HLCS: variants seen among roughly 807,000 people sequenced by gnomAD.
HLCS encodes biotin--protein ligase.
HLCS carries 53 observed loss-of-function variants against 75.0 expected under a neutral mutation model. That is an observed-to-expected ratio of 0.71 (90% CI 0.57 to 0.89). The LOEUF (loss-of-function observed/expected upper bound fraction) is 0.89. Ranked by LOEUF, HLCS falls within the 40% of genes least tolerant of loss-of-function variation. The pLI, the probability that HLCS is intolerant of heterozygous loss-of-function variation, is 0.00. For synonymous variants in HLCS, 431 were observed against 428.6 expected (o/e 1.01, Z -0.07); for missense variants, 966 against 1,074.0 (o/e 0.90, Z 1.41).
At chr21:36,945,251 CA>C (rs2067334834) in intron 2 of HLCS, among the ~76,000 whole-genome samples, 1 of 151,632 alleles carries the variant, frequency 6.6e-6, no homozygotes, top group South Asian at 2.1e-4. Flanking sequence ...AAAACCACAT[CA>C]TATGTTGTAC....
intron 2 of HLCS, among the ~76,000 whole-genome samples, chr21:36,939,320 AGAG>A (rs1303832497): frequency 6.6e-6 from 1 of 152,196 alleles, no homozygotes; most frequent in Non-Finnish European, 1.5e-5. Flanking sequence ...CTTTAAAAAC[AGAG>A]AAGAGGAGAG....
At position 36,793,295 on chromosome 21, in the gene HLCS, C is replaced by CTTTTTTTTTT. The variant is rs761549990; in HGVS notation, c.1893-26020_1893-26011dup. 1.8e-3 allele frequency among the ~76,000 whole-genome samples: 213 copies of CTTTTTTTTTT among 116,204 alleles called. 7 individuals are homozygous for CTTTTTTTTTT. The highest frequency in any genetic ancestry group is 2.8e-3 in the African/African-American group (87 of 31,134). The allele number at this position is 116,204 out of a possible 152,430, so 76.2% of individuals were successfully genotyped here. ...AGAACACGGGACAGCAGGAAGCAGTCTTTTTTTTTTTTTTTTTTGAGATAG... is the reference window on the plus strand; with the variant it reads ...AGAACACGGGACAGCAGGAAGCAGTCTTTTTTTTTTTTTTTTTTTTTTTTTTTTGAGATAG... On this transcript the variant is annotated intron_variant, in intron 6 of 10. Coordinates refer to ENST00000674895, the MANE Select transcript of HLCS (RefSeq NM_001352514.2).
chr21:36,934,936 T>C (rs139212876), intron 4 of HLCS, among the ~76,000 whole-genome samples: 15 of 152,378 alleles, frequency 9.8e-5, no homozygotes, highest in Admixed American at 4.6e-4. Context: ...ATCTGATTTG[T>C]GAAGCTGCAT....
chr21:36,971,583 C>A (rs1442152430), upstream of HLCS, among the ~76,000 whole-genome samples: 6 of 152,106 alleles, frequency 3.9e-5, no homozygotes, highest in African/African-American at 1.4e-4. Context: ...AATCCTACCA[C>A]TCTGGGAGAC....
intron 6 of HLCS, among the ~76,000 whole-genome samples, chr21:36,890,095 G>A (rs997486007): frequency 1.3e-5 from 2 of 152,116 alleles, no homozygotes; most frequent in African/African-American, 4.8e-5. Flanking sequence ...CCTGCCTGCC[G>A]CCTTGTGAAG....
intron 2 of HLCS, chr21:36,947,904 C>T (rs2067480367): frequency 1.0e-6 from 1 of 985,388 alleles, no homozygotes; most frequent in African/African-American, 1.7e-5. Flanking sequence ...TCTTGTTTCT[C>T]CTCTTCCAAA....
chr21:36,929,859 T>C lies in HLCS; in HGVS notation c.1620+392A>G, dbSNP rs147284686. On this transcript the variant is annotated intron_variant, in intron 5 of 10. Coordinates refer to ENST00000674895, the MANE Select transcript of HLCS (RefSeq NM_001352514.2). ...CACAGACGTGAAACCCAGAGCGCTG[T>C]TGCCACAAGATGGCAGACATTAGCA... is the stretch of plus-strand genomic sequence containing the variant. 4.3e-3 allele frequency among the ~76,000 whole-genome samples: 654 copies of C among 152,362 alleles called. 1 individual carries two copies. Among genetic ancestry groups the C allele is most frequent in the African/African-American group, 0.014 (594 of 41,580 alleles).
At chr21:36,823,610 G>T (rs866199283) in intron 6 of HLCS, among the ~76,000 whole-genome samples, 1 of 132,834 alleles carries the variant, frequency 7.5e-6, no homozygotes, top group East Asian at 2.7e-4. Context: ...AAACGTGCAG[G>T]GTGTGTGTGT....
At chr21:36,808,409 A>G (rs1268725246) in intron 6 of HLCS, among the ~76,000 whole-genome samples, 1 of 152,228 alleles carries the variant, frequency 6.6e-6, no homozygotes, top group Non-Finnish European at 1.5e-5. Flanking sequence ...AATTATTTGA[A>G]TATCCATTTC....
chr21:36,845,053 G>A (rs1891644885), intron 6 of HLCS, among the ~76,000 whole-genome samples: 1 of 152,094 alleles, frequency 6.6e-6, no homozygotes, highest in South Asian at 2.1e-4. Context: ...GATTTTTTAT[G>A]CTTTCATTTT....
intron 6 of HLCS, among the ~76,000 whole-genome samples, chr21:36,818,643 G>GC (rs1477857537): frequency 6.6e-6 from 1 of 152,168 alleles, no homozygotes; most frequent in Admixed American, 6.5e-5. Context: ...CCCAGCATTA[G>GC]CCACACAACG....
chr21:36,869,698 C>A (rs944895074), intron 6 of HLCS, among the ~76,000 whole-genome samples: 3 of 152,106 alleles, frequency 2.0e-5, no homozygotes, highest in African/African-American at 7.2e-5. Context: ...AATTATCCAC[C>A]CTAAAATAAA....
intron 6 of HLCS, among the ~76,000 whole-genome samples, chr21:36,861,704 C>G (rs1461859952): frequency 6.6e-6 from 1 of 152,222 alleles, no homozygotes; most frequent in African/African-American, 2.4e-5. Context: ...GTACCTCCCT[C>G]TTACATCACT....
In HLCS at chr21:36,756,601, C is replaced by T. The variant is rs1568960864; in HGVS notation, c.2391G>A (p.Glu797=). ...CGCTGTTGGGCCCTTTGTCCTGAAA[C>T]TCTTTGATCAGTTTCTCCAGCACAG... The part of the protein sequence containing the change: ...VVTVLEKLIK[E]FQDKGPNSVL... Residue 797 remains glutamate (E), a synonymous_variant, in exon 10 of 11, where the codon GAG becomes GAA. Coordinates refer to ENST00000674895, the MANE Select transcript of HLCS (RefSeq NM_001352514.2). The T allele has an allele frequency of 6.2e-7, 1 of 1,613,722 alleles. No homozygotes were observed. Among genetic ancestry groups the T allele is most frequent in the South Asian group, 1.1e-5 (1 of 91,048 alleles).
At chr21:36,815,046 T>C (rs1601368669) in intron 6 of HLCS, among the ~76,000 whole-genome samples, 2 of 149,418 alleles carry the variant, frequency 1.3e-5, no homozygotes, top group Non-Finnish European at 3.0e-5. Flanking sequence ...TTTTTTTTTT[T>C]GATGGAGTCT....
At chr21:36,941,950 T>C (rs2067161225) in intron 2 of HLCS, among the ~76,000 whole-genome samples, 1 of 151,704 alleles carries the variant, frequency 6.6e-6, no homozygotes, top group East Asian at 1.9e-4. Flanking sequence ...GAGGTTGCAG[T>C]GAGCCGAGAT....
chr21:36,834,190 C>T (rs1303840796), intron 6 of HLCS, among the ~76,000 whole-genome samples: 1 of 152,236 alleles, frequency 6.6e-6, no homozygotes, highest in Non-Finnish European at 1.5e-5. Flanking sequence ...TATTTATCCC[C>T]TGACACACTG....
At chr21:36,756,182 T>C (rs2089564884) in intron 10 of HLCS, among the ~76,000 whole-genome samples, 1 of 152,044 alleles carries the variant, frequency 6.6e-6, no homozygotes, top group Non-Finnish European at 1.5e-5. Context: ...CTCACACCTG[T>C]AATCCCAGCA....
intron 6 of HLCS, among the ~76,000 whole-genome samples, chr21:36,810,023 G>T (rs1308549268): frequency 6.6e-6 from 1 of 152,270 alleles, no homozygotes; most frequent in Non-Finnish European, 1.5e-5. Context: ...GATTACAGGC[G>T]TGAGCCGTGG....
Sources: gnomAD v4.1 joint callset for allele counts (sites outside exome capture counted in the v4.1 genomes callset) on GRCh38, gnomAD v4.1.1 for gene constraint, MANE v1.5 for transcripts, NCBI Gene and HGNC (gene_info 2026-07-23, HGNC 2026-07-21) for gene names.